Variants in BCAT1 observed in about 807,000 individuals in gnomAD.
BCAT1 encodes branched chain amino acid transaminase 1.
In BCAT1, 48 loss-of-function variants were observed where a neutral mutation model predicts 52.4. The observed-to-expected ratio is 0.92, with a 90% CI of 0.73 to 1.16. BCAT1 has a LOEUF of 1.16. Ranked by LOEUF, BCAT1 falls within the 50% of genes most tolerant of loss-of-function variation. The pLI, the probability that BCAT1 is intolerant of heterozygous loss-of-function variation, is 0.00. For missense variants in BCAT1, 451 were observed against 457.1 expected (o/e 0.99, Z 0.12); for synonymous variants, 167 against 161.3 (o/e 1.04, Z -0.27).
At chr12:24,900,706 G>A (rs747504686) in intron 2 of BCAT1, among the ~76,000 whole-genome samples, 8 of 152,226 alleles carry the variant, frequency 5.3e-5, no homozygotes, top group East Asian at 1.9e-4. Flanking sequence ...TTTGGGAGGT[G>A]GATTGCATGA....
chr12:24,819,290 G>T (rs1940013080), intron 10 of BCAT1, among the ~76,000 whole-genome samples: 1 of 152,040 alleles, frequency 6.6e-6, no homozygotes, highest in Admixed American at 6.6e-5. Flanking sequence ...CTCAGACTAT[G>T]TCTATTTTCA....
intron 3 of BCAT1, among the ~76,000 whole-genome samples, chr12:24,886,737 T>C (rs1010476251): frequency 6.6e-6 from 1 of 150,584 alleles, no homozygotes; most frequent in African/African-American, 2.4e-5. Context: ...AAGAACATAA[T>C]GACTGAGCCA....
chr12:24,909,211 C>T (rs993196627), intron 1 of BCAT1, among the ~76,000 whole-genome samples: 4 of 152,016 alleles, frequency 2.6e-5, no homozygotes, highest in South Asian at 2.1e-4. Context: ...CAGTTTGGTT[C>T]AGAAAACAAA....
intron 1 of BCAT1, among the ~76,000 whole-genome samples, chr12:24,938,188 A>G (rs940140234): frequency 1.3e-5 from 2 of 152,270 alleles, no homozygotes; most frequent in African/African-American, 4.8e-5. Flanking sequence ...AGTAGCAGAG[A>G]GCAGATGCTA....
chr12:24,841,635 G>A (rs1486911287), intron 7 of BCAT1, among the ~76,000 whole-genome samples: 6 of 152,158 alleles, frequency 3.9e-5, no homozygotes, highest in Middle Eastern at 3.2e-3. Flanking sequence ...GGGTGCAGTG[G>A]CTCACACCTG....
chr12:24,925,737 G>GC (rs1276488806), intron 1 of BCAT1, among the ~76,000 whole-genome samples: 3 of 152,180 alleles, frequency 2.0e-5, no homozygotes, highest in African/African-American at 7.2e-5. Context: ...TTGCAGGCGC[G>GC]CGCCACCATG....
At chr12:24,917,278 G>C (rs894868346) in intron 1 of BCAT1, among the ~76,000 whole-genome samples, 1 of 141,424 alleles carries the variant, frequency 7.1e-6, no homozygotes, top group Non-Finnish European at 1.5e-5. Context: ...TTGCCGCTTC[G>C]CGCCATTCTT....
chr12:24,910,725 C>G (rs571705217), intron 1 of BCAT1, among the ~76,000 whole-genome samples: 83 of 152,284 alleles, frequency 5.5e-4, no homozygotes, highest in African/African-American at 2.0e-3. Context: ...TCTTGATGAT[C>G]AAAATTGTGT....
At position 24,817,354 on chromosome 12, in the gene BCAT1, T is replaced by G. The variant is rs900443204; in HGVS notation, c.*654A>C. On this transcript the variant is annotated 3_prime_UTR_variant, in exon 11 of 11. Transcript: ENST00000261192. ...ATAAGGCACAAGACCCTCAGTCTTGTAGTCGCCTGACAGCCAGCCAGCTAC... is the reference window on the plus strand; with the variant it reads ...ATAAGGCACAAGACCCTCAGTCTTGGAGTCGCCTGACAGCCAGCCAGCTAC... The G allele has an allele frequency of 6.5e-6, 1 of 152,918 alleles. No homozygotes were observed. Among genetic ancestry groups the G allele is most frequent in the Non-Finnish European group, 1.5e-5 (1 of 68,332 alleles). The allele number at this position is 152,918 out of a possible 1,614,324, so 9.5% of individuals were successfully genotyped here. A position where few individuals can be genotyped will look rare whatever the true frequency, so the allele number is the denominator to read the frequency against.
chr12:24,839,182 T>C (rs1044696703), intron 7 of BCAT1, among the ~76,000 whole-genome samples: 10 of 152,174 alleles, frequency 6.6e-5, no homozygotes, highest in African/African-American at 2.4e-4. Flanking sequence ...GCTGGAATGC[T>C]GAGGAGAAAT....
rs186851946 is a variant in BCAT1 at position 24,914,435 on chromosome 12, C to T, written c.7-12550G>A. Among the ~76,000 whole-genome samples, 33 of 152,142 alleles carry T rather than the reference C, an allele frequency of 2.2e-4. No individual in the cohort carries two copies. The East Asian group carries it at 2.9e-3, about 13-fold the overall frequency. On this transcript the variant is annotated intron_variant, in intron 1 of 10. Coordinates refer to ENST00000261192, the MANE Select transcript of BCAT1 (RefSeq NM_005504.7). ...TAGTCTTGCAGTCGTGAGAACAGGC[C>T]GCTCCAATTAAACGGTTAACAGTTA...
At chr12:24,944,651 C>A (rs1383267774) in intron 1 of BCAT1, among the ~76,000 whole-genome samples, 5 of 152,116 alleles carry the variant, frequency 3.3e-5, no homozygotes, top group African/African-American at 7.2e-5. Flanking sequence ...GAGGGATAAA[C>A]CGTAAATGCA....
intron 1 of BCAT1, among the ~76,000 whole-genome samples, chr12:24,913,695 G>A (rs1306143002): frequency 1.3e-5 from 2 of 152,184 alleles, no homozygotes; most frequent in Non-Finnish European, 2.9e-5. Flanking sequence ...GACAAAAAAG[G>A]TATGGTCTAA....
Position 24,849,976 on chromosome 12 carries a change from C to T in BCAT1, c.511-27G>A, listed in dbSNP as rs779010287. 2.0e-5 allele frequency: 31 copies of T among 1,562,748 alleles called. No individual in the cohort carries two copies. In the East Asian group the frequency reaches 6.8e-4, roughly 34 times the overall value. ...TGCAACAAAGTAGAAGTACATACAACTGTAACTTAAAATGTGGACACCAGT... is the reference window on the plus strand; with the variant it reads ...TGCAACAAAGTAGAAGTACATACAATTGTAACTTAAAATGTGGACACCAGT... On this transcript the variant is annotated intron_variant, in intron 5 of 10. Transcript: ENST00000261192.
At chr12:24,841,083 C>G (rs1941159554) in intron 7 of BCAT1, among the ~76,000 whole-genome samples, 1 of 151,902 alleles carries the variant, frequency 6.6e-6, no homozygotes. Context: ...AAAAAAACAG[C>G]AAAGAAAAGT....
chr12:24,898,839 C>T (rs143899496), intron 2 of BCAT1, among the ~76,000 whole-genome samples: 5 of 152,184 alleles, frequency 3.3e-5, no homozygotes, highest in Non-Finnish European at 7.4e-5. Context: ...TGCTCACCAT[C>T]GTATAGCACA....
chr12:24,894,049 AT>A lies in BCAT1; in HGVS notation c.279+225del, dbSNP rs907529330. ...CTGTCCTTTCTATTTGCTTTAAATA[AT>A]TTTTTTATTGACGTCACAGAAAATG... is the stretch of plus-strand genomic sequence containing the variant. On this transcript the variant is annotated intron_variant, in intron 3 of 10. Transcript: ENST00000261192. 3.0e-4 allele frequency among the ~76,000 whole-genome samples: 46 copies of A among 152,278 alleles called. 1 individual carries two copies. Among genetic ancestry groups the A allele is most frequent in the Non-Finnish European group, 1.0e-4 (7 of 68,018 alleles).
At position 24,894,348 on chromosome 12, in the gene BCAT1, T is replaced by C. The variant is rs997032762; in HGVS notation, c.206A>G (p.Glu69Gly). The C allele has an allele frequency of 1.2e-6, 2 of 1,613,930 alleles. No individual in the cohort carries two copies. The highest frequency in any genetic ancestry group is 1.7e-6 in the Non-Finnish European group (2 of 1,179,888). Residue 69 changes from glutamate (E) to glycine (G), a missense_variant, in exon 3 of 11, where the codon GAG (glutamate) becomes GGG (glycine). Coordinates refer to ENST00000261192, the MANE Select transcript of BCAT1 (RefSeq NM_005504.7). ...CTGAAGAGGCTTGATATGAGGTTTC[T>C]CCCATCCAAACTCTGAGGACCACTC... ...TVEWSSEFGW[E>G]KPHIKPLQNL...
chr12:24,864,379 C>T (rs903764303), intron 5 of BCAT1, among the ~76,000 whole-genome samples: 1 of 152,040 alleles, frequency 6.6e-6, no homozygotes, highest in Admixed American at 6.6e-5. Context: ...TACCCAACAA[C>T]CCCAGCTGAG....
Sources: allele counts gnomAD v4.1 joint callset (sites outside exome capture counted in the v4.1 genomes callset), GRCh38; gene constraint gnomAD v4.1.1; transcripts MANE v1.5; gene names NCBI Gene and HGNC (gene_info 2026-07-23, HGNC 2026-07-21).